PRSS54: variants seen among roughly 807,000 people sequenced by gnomAD.
PRSS54 encodes serine protease 54, also known as inactive serine protease 54.
In PRSS54, 16 loss-of-function variants were observed where a neutral mutation model predicts 19.9. The ratio of observed to expected loss-of-function variants is 0.80; its 90% CI spans 0.54 to 1.22. The LOEUF (loss-of-function observed/expected upper bound fraction) is 1.22. Ranked by LOEUF, PRSS54 falls within the 50% of genes most tolerant of loss-of-function variation. The pLI is 0.00. For synonymous variants in PRSS54, 177 were observed against 195.8 expected, an observed-to-expected ratio of 0.90 and a Z score of 0.80; for missense variants, 444 against 494.8, an observed-to-expected ratio of 0.90 and a Z score of 0.97.
chr16:58,280,867 C>T, intron 6 of PRSS54, 110 bp from the exon 7 acceptor site: 1 of 1,063,548 alleles, frequency 9.4e-7, no homozygotes, highest in Non-Finnish European at 1.3e-6. Context: ...CTGGTTCTCA[C>T]TGGAAATGGG....
intron 4 of PRSS54, among the ~76,000 whole-genome samples, chr16:58,288,943 A>G (rs1964977926): frequency 6.6e-6 from 1 of 152,246 alleles, no homozygotes; most frequent in Admixed American, 6.5e-5. Flanking sequence ...GGAGTGCGTT[A>G]TGAACTCAAT....
In PRSS54 at chr16:58,280,588, A is replaced by G; in HGVS notation, c.824T>C (p.Leu275Pro). Reference sequence around the variant, plus strand: ...CTTTTCCCAGTGGTGGAGTGAGGACAGGGGAGGGCCGGCCCTCTCAGCCTT... The same window carrying G: ...CTTTTCCCAGTGGTGGAGTGAGGACGGGGGAGGGCCGGCCCTCTCAGCCTT... ...TSKAERAGPP[L>P]SSLHHWEKLI... Residue 275 changes from leucine (L) to proline (P), a missense_variant, in exon 7 of 7, where the codon CTG becomes CCG. By Grantham distance (98) the Leu-to-Pro change is moderately conservative (BLOSUM62 -3). Transcript: ENST00000567164. 1 of 1,614,174 alleles carries G rather than the reference A, an allele frequency of 6.2e-7. No individual in the cohort carries two copies. Among genetic ancestry groups the G allele is most frequent in the East Asian group, 2.2e-5 (1 of 44,880 alleles).
chr16:58,280,703 G>T lies in PRSS54; in HGVS notation c.709C>A (p.Leu237Met). 1 of 1,614,100 alleles carries T rather than the reference G, an allele frequency of 6.2e-7. No homozygotes were observed. Among genetic ancestry groups the T allele is most frequent in the Non-Finnish European group, 8.5e-7 (1 of 1,179,954 alleles). Residue 237 changes from leucine (L) to methionine (M), a missense_variant, in exon 7 of 7, where the codon CTG (leucine) becomes ATG (methionine). Transcript: ENST00000567164. The part of the protein sequence containing the change: ...CQLQQFDLWV[L>M]RGVLNFGGET... ...CCACCGAAGTTCAGGACTCCTCTCA[G>T]AACCCACAGATCGAACTGCTGTAGC...
At position 58,284,582 on chromosome 16, in the gene PRSS54, G is replaced by C. The variant is rs146088754; in HGVS notation, c.654+8C>G. 3.6e-3 allele frequency: 5,883 copies of C among 1,613,792 alleles called. 219 individuals carry two copies. In the Admixed American group the frequency reaches 0.078, roughly 21 times the overall value. ...CAACACTTAGCTTCTACTCCATGATGTTCTTACCAAGCAGGCAGTCTTGGT... is the reference window on the plus strand; with the variant it reads ...CAACACTTAGCTTCTACTCCATGATCTTCTTACCAAGCAGGCAGTCTTGGT... On this transcript the variant is annotated splice_region_variant and intron_variant, in intron 6 of 6. Coordinates refer to ENST00000567164, the MANE Select transcript of PRSS54 (RefSeq NM_001305173.2).
intron 3 of PRSS54, 89 bp from the exon 4 acceptor site, chr16:58,291,225 C>T (rs967822122): frequency 1.3e-5 from 16 of 1,215,640 alleles, no homozygotes; most frequent in Middle Eastern, 2.1e-4. Flanking sequence ...TCATCACTAA[C>T]GCTATCCGCA....
intron 6 of PRSS54, chr16:58,283,120 G>A (rs16960040): frequency 0.1 from 15,793 of 152,294 alleles, 910 homozygotes; most frequent in Admixed American, 0.13. Flanking sequence ...CAAAAGCCCT[G>A]ACAGTGGTAG....
At position 58,286,198 on chromosome 16, in the gene PRSS54, G is replaced by GGA; in HGVS notation, c.264-5_264-4dup. The GGA allele has an allele frequency of 6.2e-7, 1 of 1,613,704 alleles. No individual in the cohort carries two copies. Among genetic ancestry groups the GGA allele is most frequent in the Non-Finnish European group, 8.5e-7 (1 of 1,179,660 alleles). The stretch of plus-strand genomic sequence containing the variant: ...CCACTATAACGACAATGTCCTTCCT[G>GGA]GAGAGAGAGCAAGGGAATCTTGAGA... On this transcript the variant is annotated splice_region_variant and splice_polypyrimidine_tract_variant and intron_variant, in intron 4 of 6. Transcript: ENST00000567164.
At chr16:58,283,332 G>T (rs1964830648) in intron 6 of PRSS54, 1 of 152,192 alleles carries the variant, frequency 6.6e-6, no homozygotes, top group Non-Finnish European at 1.5e-5. Context: ...GCATAATTCT[G>T]TTCAAAAATG....
rs577185650 is a variant in PRSS54 at position 58,293,806 on chromosome 16, G to A, written c.11C>T (p.Ala4Val). Residue 4 changes from alanine (A) to valine (V), a missense_variant, in exon 3 of 7, where the codon GCG (alanine) becomes GTG (valine). Ala to Val is a moderately conservative substitution (Grantham distance 64). Transcript: ENST00000567164. ...CTTGCCATCCCCAGAGAGACCCGCC[G>A]CGGACACCATGGGCAGCTGGGGAAA... MVSAAGLSGDGKMR... is the reference protein window; with the variant it reads MVSVAGLSGDGKMR... 8.4e-5 allele frequency: 136 copies of A among 1,612,948 alleles called. No homozygotes were observed. The highest frequency in any genetic ancestry group is 6.2e-4 in the Admixed American group (37 of 59,864).
intron 4 of PRSS54, among the ~76,000 whole-genome samples, chr16:58,286,742 C>G (rs905551143): frequency 1.3e-5 from 2 of 151,942 alleles, no homozygotes; most frequent in Non-Finnish European, 2.9e-5. Context: ...ATACAAACAC[C>G]GTAAAACCAA....
chr16:58,289,353 A>G (rs1165679781), intron 4 of PRSS54, among the ~76,000 whole-genome samples: 1 of 152,240 alleles, frequency 6.6e-6, no homozygotes, highest in Non-Finnish European at 1.5e-5. Context: ...AGACTAATAC[A>G]AGGGGAAAGA....
At chr16:58,286,627 A>G (rs1259671315) in intron 4 of PRSS54, among the ~76,000 whole-genome samples, 2 of 152,162 alleles carry the variant, frequency 1.3e-5, no homozygotes, top group Admixed American at 1.3e-4. Context: ...TATTCTGTAA[A>G]TACATTTTGG....
In PRSS54 at chr16:58,280,617, T is replaced by A. The variant is rs759351557; in HGVS notation, c.795A>T (p.Thr265=). ...GAGGGCCGGCCCTCTCAGCCTTGGA[T>A]GTGATCCATTTGCTGTAGTCTTCCA... ...TKVEDYSKWI[T]SKAERAGPPL... The change falls in exon 7 of 7, where the codon ACA becomes ACT. Residue 265 remains threonine, a synonymous_variant. Coordinates refer to ENST00000567164, the MANE Select transcript of PRSS54 (RefSeq NM_001305173.2). 3 of 1,614,122 alleles carry A rather than the reference T, an allele frequency of 1.9e-6. No individual in the cohort carries two copies. Among genetic ancestry groups the A allele is most frequent in the Non-Finnish European group, 2.5e-6 (3 of 1,180,030 alleles).
chr16:58,293,882 G>A (rs571242041), intron 2 of PRSS54, 60 bp from the exon 3 acceptor site: 2 of 1,406,066 alleles, frequency 1.4e-6, no homozygotes, highest in Non-Finnish European at 2.0e-6. Context: ...GGTTTTCTAT[G>A]CCTCTTTTTT....
In PRSS54 at chr16:58,280,039, T is replaced by C. The variant is rs1421399790; in HGVS notation, c.*185A>G. The C allele has an allele frequency of 3.1e-6, 2 of 653,590 alleles. No homozygotes were observed. Among genetic ancestry groups the C allele is most frequent in the Non-Finnish European group, 5.2e-6 (2 of 381,274 alleles). The allele number at this position is 653,590 out of a possible 1,614,324, so 40.5% of individuals were successfully genotyped here. A position where few individuals can be genotyped will look rare whatever the true frequency, so the allele number is the denominator to read the frequency against. On this transcript the variant is annotated 3_prime_UTR_variant, in exon 7 of 7. Transcript: ENST00000567164. ...GCCAGCATTTAGTTCACAAGCATAG[T>C]GAAAGTGACCTTCCCACACCTGGGA... is the stretch of plus-strand genomic sequence containing the variant.
At chr16:58,286,429 C>T (rs769302394) in intron 4 of PRSS54, among the ~76,000 whole-genome samples, 1 of 152,002 alleles carries the variant, frequency 6.6e-6, no homozygotes, top group Non-Finnish European at 1.5e-5. Flanking sequence ...ATCTTAACAC[C>T]ATTTGCCCCA....
rs2142660102 is a variant in PRSS54, at chr16:58,294,914, T to A, written c.-259A>T. On this transcript the variant is annotated 5_prime_UTR_variant, in exon 1 of 7. Coordinates refer to ENST00000567164, the MANE Select transcript of PRSS54 (RefSeq NM_001305173.2). Reference sequence around the variant, plus strand: ...TGTTCCACTCATGACACTGGATGCCTCTTGTCCTCAGAATGGTCCTCAGAG... The same window carrying A: ...TGTTCCACTCATGACACTGGATGCCACTTGTCCTCAGAATGGTCCTCAGAG... 6.5e-6 allele frequency: 1 copy of A among 152,928 alleles called. No homozygotes were observed. Among genetic ancestry groups the A allele is most frequent in the African/African-American group, 2.4e-5 (1 of 41,580 alleles). The allele number at this position is 152,928 out of a possible 1,614,324, so 9.5% of individuals were successfully genotyped here.
intron 4 of PRSS54, among the ~76,000 whole-genome samples, chr16:58,290,395 T>C (rs1965012725): frequency 6.6e-6 from 1 of 152,172 alleles, no homozygotes; most frequent in Non-Finnish European, 1.5e-5. Flanking sequence ...ACATTATTCT[T>C]TTAATAATAT....
At position 58,291,010 on chromosome 16, in the gene PRSS54, C is replaced by T; in HGVS notation, c.212G>A (p.Cys71Tyr). Residue 71 changes from cysteine to tyrosine, a missense_variant, in exon 4 of 7, where the codon TGC (cysteine) becomes TAC (tyrosine). By Grantham distance (194) the Cys-to-Tyr change is radical (BLOSUM62 -2). Coordinates refer to ENST00000567164, the MANE Select transcript of PRSS54 (RefSeq NM_001305173.2). ...DSQYTHLAFG[C>Y]ILSEFWVLSI... ...GAGGACCCAGAACTCGCTCAGGATG[C>T]AGCCGAAAGCCAGGTGTGTGTACTG... is the stretch of plus-strand genomic sequence containing the variant. The T allele has an allele frequency of 6.2e-7, 1 of 1,614,224 alleles. No individual in the cohort carries two copies. The highest frequency in any genetic ancestry group is 8.5e-7 in the Non-Finnish European group (1 of 1,180,040).
Sources: allele counts gnomAD v4.1 joint callset (sites outside exome capture counted in the v4.1 genomes callset), GRCh38; gene constraint gnomAD v4.1.1; transcripts MANE v1.5; gene names NCBI Gene and HGNC (gene_info 2026-07-23, HGNC 2026-07-21).